Variants in IRAK1BP1 observed in about 807,000 individuals in gnomAD.
IRAK1BP1 encodes interleukin-1 receptor-associated kinase 1-binding protein 1.
A neutral mutation model predicts 28.0 loss-of-function variants in IRAK1BP1; 24 were observed. That is an observed-to-expected ratio of 0.86 (90% CI 0.62 to 1.20). IRAK1BP1 has a LOEUF of 1.20. Among genes scored for constraint, IRAK1BP1 ranks in the 50% most tolerant of loss-of-function variants. IRAK1BP1 has a pLI of 0.00. For missense variants in IRAK1BP1, 336 were observed against 316.7 expected (o/e 1.06, Z -0.46); for synonymous variants, 131 against 116.3 (o/e 1.13, Z -0.81).
At chr6:78,872,932 T>C (rs1224583513) in intron 1 of IRAK1BP1, among the ~76,000 whole-genome samples, 4 of 152,056 alleles carry the variant, frequency 2.6e-5, no homozygotes, top group Admixed American at 1.3e-4. Flanking sequence ...TTTACCTTAT[T>C]AAATTGATAA....
At chr6:78,954,268 A>AT in the IRAK1BP1 span, among the ~76,000 whole-genome samples, 46,856 of 146,984 alleles carry the variant, frequency 0.32, 7,512 homozygotes, top group Non-Finnish European at 0.36. Context: ...CGCCTGGCTA[A>AT]TTTTTTTTTT....
exon 5 of IRAK1BP1, chr6:78,946,357 G>T: frequency 7.1e-7 from 1 of 1,415,462 alleles, no homozygotes; most frequent in Non-Finnish European, 9.4e-7. Context: ...GTACTATTAT[G>T]AAATATGTTA....
chr6:78,893,860 G>A (rs1022077005), intron 2 of IRAK1BP1, among the ~76,000 whole-genome samples: 11 of 152,108 alleles, frequency 7.2e-5, no homozygotes, highest in African/African-American at 2.2e-4. Flanking sequence ...CTGAGATCAC[G>A]TCACTGTACT....
intron 2 of IRAK1BP1, among the ~76,000 whole-genome samples, chr6:78,893,931 GATA>G (rs1771788344): frequency 6.6e-6 from 1 of 151,972 alleles, no homozygotes; most frequent in South Asian, 2.1e-4. Flanking sequence ...CTAAATAAAT[GATA>G]ATGATGAACT....
chr6:78,961,540 A>G, the IRAK1BP1 span: 32 of 661,350 alleles, frequency 4.8e-5, no homozygotes, highest in Admixed American at 3.2e-4. Context: ...CTCCAAATCT[A>G]CTGAATAAGA....
At chr6:78,949,997 G>A (rs1468372140), downstream of IRAK1BP1, among the ~76,000 whole-genome samples, 2 of 151,982 alleles carry the variant, frequency 1.3e-5, no homozygotes, top group East Asian at 3.9e-4. Context: ...CCTGGGACTC[G>A]AGTATAATAA....
chr6:78,931,819 C>T (rs1275079144), intron 4 of IRAK1BP1, among the ~76,000 whole-genome samples: 3 of 152,126 alleles, frequency 2.0e-5, no homozygotes, highest in Non-Finnish European at 4.4e-5. Flanking sequence ...GTGGCTGTGT[C>T]AATTTCTTAA....
At chr6:78,924,991 A>C (rs905792715) in intron 4 of IRAK1BP1, among the ~76,000 whole-genome samples, 1 of 152,228 alleles carries the variant, frequency 6.6e-6, no homozygotes, top group African/African-American at 2.4e-5. Context: ...TGCAGCCATA[A>C]AAAATGATGA....
the IRAK1BP1 span, among the ~76,000 whole-genome samples, chr6:78,952,782 T>A: frequency 1.3e-5 from 2 of 152,160 alleles, no homozygotes; most frequent in Non-Finnish European, 1.5e-5. Flanking sequence ...AATAACATAT[T>A]TTTTCCCTAT....
chr6:78,972,179 A>G, the IRAK1BP1 span, among the ~76,000 whole-genome samples: 12 of 149,206 alleles, frequency 8.0e-5, no homozygotes, highest in African/African-American at 2.7e-4. Flanking sequence ...AGCTGGAGAT[A>G]TGAGAACGGG....
chr6:78,903,530 A>G (rs1469227806), downstream of IRAK1BP1, among the ~76,000 whole-genome samples: 1 of 152,142 alleles, frequency 6.6e-6, no homozygotes, highest in Admixed American at 6.6e-5. Flanking sequence ...TATGCTCAGT[A>G]TAATTAACAA....
At chr6:78,870,601 C>T (rs1482652230) in intron 1 of IRAK1BP1, among the ~76,000 whole-genome samples, 1 of 152,164 alleles carries the variant, frequency 6.6e-6, no homozygotes, top group African/African-American at 2.4e-5. Context: ...AGGTATAATC[C>T]TTACTTCTAG....
At chr6:78,946,756 T>C, downstream of IRAK1BP1, 1 of 1,591,252 alleles carries the variant, frequency 6.3e-7, no homozygotes. Flanking sequence ...GTTTCTTTTC[T>C]TCCTCCTTTT....
At chr6:78,922,180 A>C (rs904941908) in intron 4 of IRAK1BP1, among the ~76,000 whole-genome samples, 4 of 152,212 alleles carry the variant, frequency 2.6e-5, no homozygotes, top group Non-Finnish European at 5.9e-5. Flanking sequence ...TCTTGAAAAA[A>C]GATTAGATGA....
Position 78,941,220 on chromosome 6 carries a change from C to T in IRAK1BP1, c.*68-4188C>T, listed in dbSNP as rs1219672984. On this transcript the variant is annotated intron_variant and NMD_transcript_variant, in intron 4 of 4. Transcript: ENST00000606868. ...ATAATTTCACCACTATTGGTATTAA[C>T]TTCTACTTTAGGTTTCCTTCCAGGT... The T allele has an allele frequency of 6.2e-7, 1 of 1,613,842 alleles. No homozygotes were observed. The highest frequency in any genetic ancestry group is 1.3e-5 in the African/African-American group (1 of 74,904).
intron 4 of IRAK1BP1, among the ~76,000 whole-genome samples, chr6:78,920,590 G>C (rs1772696802): frequency 6.6e-6 from 1 of 152,162 alleles, no homozygotes; most frequent in Non-Finnish European, 1.5e-5. Context: ...ACATGCAGAA[G>C]GTTGAAACCA....
chr6:78,934,889 TAGAA>T (rs1773210411), intron 4 of IRAK1BP1, among the ~76,000 whole-genome samples: 1 of 152,152 alleles, frequency 6.6e-6, no homozygotes, highest in African/African-American at 2.4e-5. Context: ...ACCAATTAGG[TAGAA>T]AGGTATTTCA....
the IRAK1BP1 span, chr6:78,957,815 A>G: frequency 6.6e-6 from 1 of 152,018 alleles, no homozygotes; most frequent in Non-Finnish European, 1.5e-5. Flanking sequence ...CCTTAAGATA[A>G]GGAAGGGAAA....
At chr6:78,979,384 C>T in the IRAK1BP1 span, among the ~76,000 whole-genome samples, 1 of 152,012 alleles carries the variant, frequency 6.6e-6, no homozygotes, top group South Asian at 2.1e-4. Context: ...AAAATGCTAT[C>T]AATTTTATAA....
Sources: allele counts gnomAD v4.1 joint callset (sites outside exome capture counted in the v4.1 genomes callset), GRCh38; gene constraint gnomAD v4.1.1; transcripts MANE v1.5; gene names NCBI Gene and HGNC (gene_info 2026-07-23, HGNC 2026-07-21).